The following SSBP3 variants were observed in gnomAD, a reference collection of about 807,000 sequenced individuals.
SSBP3 encodes the protein single stranded DNA binding protein 3, also known as single-stranded DNA-binding protein 3.
SSBP3 carries 5 observed loss-of-function variants against 69.6 expected under a neutral mutation model. That is an observed-to-expected ratio of 0.07 (90% CI 0.04 to 0.15). The LOEUF is 0.15. Ranked by LOEUF, SSBP3 falls within the 10% of genes least tolerant of loss-of-function variation. SSBP3 has a pLI of 1.00. For synonymous variants in SSBP3, 196 were observed against 193.4 expected, an observed-to-expected ratio of 1.01 and a Z score of -0.11; for missense variants, 312 against 534.0, an observed-to-expected ratio of 0.58 and a Z score of 4.10.
intron 4 of SSBP3, among the ~76,000 whole-genome samples, chr1:54,395,321 G>GC (rs758752004): frequency 6.6e-5 from 10 of 152,110 alleles, no homozygotes; most frequent in East Asian, 1.9e-4. Flanking sequence ...AGAAATGAAG[G>GC]CCCCCCACAG....
At chr1:54,318,083 T>C (rs1045249312) in intron 4 of SSBP3, among the ~76,000 whole-genome samples, 48 of 152,312 alleles carry the variant, frequency 3.2e-4, no homozygotes, top group African/African-American at 1.1e-3. Context: ...ATCCTCTTTC[T>C]ATGCCATCTA....
chr1:54,311,351 T>C (rs747967571), intron 4 of SSBP3, among the ~76,000 whole-genome samples: 6 of 152,128 alleles, frequency 3.9e-5, no homozygotes, highest in Admixed American at 2.6e-4. Flanking sequence ...GGCAGCAGTG[T>C]GGAGGGTCTG....
chr1:54,284,103 C>CTTTTTTTTT (rs5774181), intron 4 of SSBP3, among the ~76,000 whole-genome samples: 3 of 87,618 alleles, frequency 3.4e-5, no homozygotes, highest in Non-Finnish European at 6.4e-5. Context: ...TATTTAACCA[C>CTTTTTTTTT]TTTTTTTTTT....
chr1:54,406,827 C>T (rs1177829672), upstream of SSBP3, among the ~76,000 whole-genome samples: 4 of 151,738 alleles, frequency 2.6e-5, no homozygotes, highest in African/African-American at 9.7e-5. Context: ...CGTCCCTCTC[C>T]CTTATCTGCC....
intron 4 of SSBP3, among the ~76,000 whole-genome samples, chr1:54,316,501 C>T (rs1209836194): frequency 9.8e-5 from 14 of 143,412 alleles, no homozygotes; most frequent in Admixed American, 6.2e-4. Flanking sequence ...ATTAGCCGGG[C>T]GCGGTGGCGG....
chr1:54,398,573 A>G (rs1649062276), intron 4 of SSBP3, among the ~76,000 whole-genome samples: 1 of 152,190 alleles, frequency 6.6e-6, no homozygotes, highest in East Asian at 1.9e-4. Flanking sequence ...TGTCCACTCT[A>G]CAAAAGGTCA....
At chr1:54,384,929 T>A (rs183498315) in intron 4 of SSBP3, among the ~76,000 whole-genome samples, 1 of 152,326 alleles carries the variant, frequency 6.6e-6, no homozygotes, top group African/African-American at 2.4e-5. Context: ...ACAGCTCACA[T>A]GGGCCTCCAG....
At chr1:54,305,189 C>T (rs1269621251) in intron 4 of SSBP3, among the ~76,000 whole-genome samples, 1 of 152,172 alleles carries the variant, frequency 6.6e-6, no homozygotes, top group Non-Finnish European at 1.5e-5. Flanking sequence ...AGATGGAAAC[C>T]ACCACCCTTT....
At chr1:54,298,696 C>A (rs531518793) in intron 4 of SSBP3, among the ~76,000 whole-genome samples, 8 of 152,154 alleles carry the variant, frequency 5.3e-5, no homozygotes, top group African/African-American at 1.7e-4. Flanking sequence ...ACTTGTCTTG[C>A]CACTCACTCT....
intron 4 of SSBP3, among the ~76,000 whole-genome samples, chr1:54,352,719 C>A (rs1160278312): frequency 6.6e-6 from 1 of 152,260 alleles, no homozygotes; most frequent in Non-Finnish European, 1.5e-5. Context: ...ACTGTGCTCA[C>A]TGCCATCATC....
intron 4 of SSBP3, among the ~76,000 whole-genome samples, chr1:54,309,738 A>C (rs1645964967): frequency 6.6e-6 from 1 of 152,154 alleles, no homozygotes; most frequent in South Asian, 2.1e-4. Flanking sequence ...AAAAGGGAAA[A>C]GAAAGAAAAC....
chr1:54,345,934 G>C, intron 4 of SSBP3, among the ~76,000 whole-genome samples: 1 of 151,010 alleles, frequency 6.6e-6, no homozygotes, highest in Non-Finnish European at 1.5e-5. Flanking sequence ...TTGAGGTCAG[G>C]AGTTCGAGAC....
chr1:54,286,514 G>T (rs1390079138), intron 4 of SSBP3: 1 of 152,208 alleles, frequency 6.6e-6, no homozygotes, highest in Admixed American at 6.5e-5. Flanking sequence ...TAAAGAGCAG[G>T]GTTTCTTGAT....
chr1:54,346,868 T>C lies in SSBP3; in HGVS notation c.276+54993A>G, dbSNP rs1327187254. Among the ~76,000 whole-genome samples, 10 of 151,084 alleles carry C rather than the reference T, an allele frequency of 6.6e-5. No homozygotes were observed. The South Asian group carries it at 1.1e-3, about 16-fold the overall frequency. ...AGTCTCCTATGGCAGCCTTGGGGGA[T>C]TGGGTCCAGGCCCTTACTCCCCAAC... On this transcript the variant is annotated intron_variant, in intron 4 of 17. Transcript: ENST00000610401.
chr1:54,325,808 T>C (rs565324042), intron 4 of SSBP3, among the ~76,000 whole-genome samples: 1 of 152,336 alleles, frequency 6.6e-6, no homozygotes, highest in African/African-American at 2.4e-5. Flanking sequence ...TTCTCTGGTT[T>C]CCTCCACACT....
chr1:54,402,031 G>C, intron 3 of SSBP3, 86 bp from the exon 4 acceptor site: 1 of 1,170,012 alleles, frequency 8.5e-7, no homozygotes, highest in Non-Finnish European at 1.2e-6. Flanking sequence ...GGCGCTAACA[G>C]TACTAGGTCT....
rs775645285 is a variant in SSBP3, at chr1:54,227,184, G to GGGA, written c.1138-25_1138-24insTCC. 4 of 1,201,896 alleles carry GGGA rather than the reference G, an allele frequency of 3.3e-6. No homozygotes were observed. In the African/African-American group the frequency reaches 4.8e-5, roughly 15 times the overall value. The allele number at this position is 1,201,896 out of a possible 1,614,324, so 74.5% of individuals were successfully genotyped here. ...TACTGGAAAGGAGAAGCAGAGAAGG[G>GGGA]GGGGGGGTGAGGATTGTGGGGAGGC... On this transcript the variant is annotated intron_variant, in intron 17 of 17. Coordinates refer to ENST00000610401, the Ensembl canonical transcript of SSBP3.
At chr1:54,289,743 G>A (rs1645570473) in intron 4 of SSBP3, among the ~76,000 whole-genome samples, 1 of 152,056 alleles carries the variant, frequency 6.6e-6, no homozygotes, top group Non-Finnish European at 1.5e-5. Context: ...TGGGCACAGG[G>A]CCTCCTGACA....
intron 17 of SSBP3, among the ~76,000 whole-genome samples, chr1:54,227,641 G>A (rs920768411): frequency 1.3e-5 from 2 of 152,212 alleles, no homozygotes; most frequent in African/African-American, 4.8e-5. Context: ...GCAGTGGTGC[G>A]ATCAAGGCTT....
Sources: gnomAD v4.1 joint callset for allele counts (sites outside exome capture counted in the v4.1 genomes callset) on GRCh38, gnomAD v4.1.1 for gene constraint, MANE v1.5 for transcripts, NCBI Gene and HGNC (gene_info 2026-07-23, HGNC 2026-07-21) for gene names.